AKAIN1: variants seen among roughly 807,000 people sequenced by gnomAD.
AKAIN1 encodes A-kinase anchor protein inhibitor 1.
Under a neutral mutation model 3.7 loss-of-function variants are expected in AKAIN1, and 3 were observed. That is an observed-to-expected ratio of 0.82 (90% CI 0.37 to 2.12). AKAIN1 has a LOEUF of 2.12. Ranked by LOEUF, AKAIN1 falls within the 30% of genes most tolerant of loss-of-function variation. AKAIN1 has a pLI of 0.06. For synonymous variants in AKAIN1, 31 were observed against 30.8 expected (o/e 1.01, Z -0.02); for missense variants, 82 against 82.7 (o/e 0.99, Z 0.03).
At chr18:5,173,368 T>G (rs1403319210) in intron 1 of AKAIN1, among the ~76,000 whole-genome samples, 2 of 152,158 alleles carry the variant, frequency 1.3e-5, no homozygotes, top group African/African-American at 4.8e-5. Context: ...ATTTTCCCCA[T>G]GTCCAAAAAG....
At position 5,145,622 on chromosome 18, in the gene AKAIN1, G is replaced by T; in HGVS notation, c.150C>A (p.Asp50Glu). Residue 50 changes from aspartate to glutamate, a missense_variant, in exon 2 of 2, where the codon GAC (aspartate) becomes GAA (glutamate). Coordinates refer to ENST00000434239, the MANE Select transcript of AKAIN1 (RefSeq NM_001145194.2). Reference protein sequence around the residue: ...ESQRREERISDNRDHIQLGVG... With the variant: ...ESQRREERISENRDHIQLGVG... Reference sequence around the variant, plus strand: ...CGCCCAGTTGGATGTGGTCCCGGTTGTCACTGATTCTCTCTTCTCTGCGCT... The same window carrying T: ...CGCCCAGTTGGATGTGGTCCCGGTTTTCACTGATTCTCTCTTCTCTGCGCT... 6.4e-7 allele frequency: 1 copy of T among 1,551,674 alleles called. No individual in the cohort carries two copies. Among genetic ancestry groups the T allele is most frequent in the Non-Finnish European group, 8.7e-7 (1 of 1,146,954 alleles).
chr18:5,179,850 G>T (rs750637969), intron 1 of AKAIN1, among the ~76,000 whole-genome samples: 5 of 152,056 alleles, frequency 3.3e-5, no homozygotes, highest in Non-Finnish European at 7.4e-5. Context: ...GGCACTGAAG[G>T]CCATTTCTTT....
intron 1 of AKAIN1, among the ~76,000 whole-genome samples, chr18:5,171,199 G>T (rs930692936): frequency 1.3e-5 from 2 of 152,150 alleles, no homozygotes; most frequent in African/African-American, 4.8e-5. Context: ...GACAAAGAAA[G>T]TCCACAGGCT....
At chr18:5,188,091 A>G (rs1024059135) in intron 1 of AKAIN1, among the ~76,000 whole-genome samples, 10 of 152,104 alleles carry the variant, frequency 6.6e-5, no homozygotes, top group Non-Finnish European at 1.3e-4. Flanking sequence ...GTTAAAGCCA[A>G]AGAATAATAT....
At chr18:5,156,798 A>G (rs533274318) in intron 1 of AKAIN1, among the ~76,000 whole-genome samples, 61 of 152,302 alleles carry the variant, frequency 4.0e-4, no homozygotes, top group African/African-American at 1.4e-3. Flanking sequence ...TTGCTCTCAC[A>G]CCAGGCTGGA....
intron 1 of AKAIN1, among the ~76,000 whole-genome samples, chr18:5,190,298 C>T (rs1334770588): frequency 6.6e-6 from 1 of 151,918 alleles, no homozygotes; most frequent in African/African-American, 2.4e-5. Context: ...TTTGCAGGGG[C>T]TATTACTATA....
chr18:5,166,184 T>C (rs1199754447), intron 1 of AKAIN1, among the ~76,000 whole-genome samples: 1 of 152,084 alleles, frequency 6.6e-6, no homozygotes, highest in Non-Finnish European at 1.5e-5. Flanking sequence ...AATACCATAT[T>C]ATCATCTACG....
At position 5,176,621 on chromosome 18, in the gene AKAIN1, G is replaced by C. The variant is rs191072375; in HGVS notation, c.16+20417C>G. On this transcript the variant is annotated intron_variant, in intron 1 of 1. Coordinates refer to ENST00000434239, the MANE Select transcript of AKAIN1 (RefSeq NM_001145194.2). ...AATGTTTGGTGCCTCCCAATGTTTG[G>C]TGTTTTTCTGTCAGGACAATGTGAG... Among the ~76,000 whole-genome samples, 386 of 152,190 alleles carry C rather than the reference G, an allele frequency of 2.5e-3. 3 individuals are homozygous for C. The highest frequency in any genetic ancestry group is 8.9e-3 in the African/African-American group (368 of 41,514).
intron 1 of AKAIN1, among the ~76,000 whole-genome samples, chr18:5,177,418 A>G (rs1393971959): frequency 2.6e-5 from 4 of 152,118 alleles, no homozygotes; most frequent in Non-Finnish European, 5.9e-5. Context: ...ATGTTTTCCT[A>G]TGCCATGATT....
chr18:5,170,456 T>C (rs115481547), intron 1 of AKAIN1, among the ~76,000 whole-genome samples: 1,750 of 152,254 alleles, frequency 0.011, 31 homozygotes, highest in African/African-American at 0.037. Flanking sequence ...CCAATTTCCT[T>C]ATGTTTAAAT....
At chr18:5,186,917 T>A (rs1598316284) in intron 1 of AKAIN1, among the ~76,000 whole-genome samples, 1 of 152,110 alleles carries the variant, frequency 6.6e-6, no homozygotes, top group South Asian at 2.1e-4. Flanking sequence ...AATTGGAGGC[T>A]AAACAATACA....
At chr18:5,181,601 A>G (rs2143371174) in intron 1 of AKAIN1, among the ~76,000 whole-genome samples, 1 of 152,226 alleles carries the variant, frequency 6.6e-6, no homozygotes, top group East Asian at 1.9e-4. Flanking sequence ...CTAAACCTCT[A>G]AGGATGCTGA....
intron 1 of AKAIN1, among the ~76,000 whole-genome samples, chr18:5,170,007 G>A (rs2071188762): frequency 6.6e-6 from 1 of 152,116 alleles, no homozygotes; most frequent in Non-Finnish European, 1.5e-5. Flanking sequence ...ATACTTGTCA[G>A]TAAGACTGGC....
intron 1 of AKAIN1, among the ~76,000 whole-genome samples, chr18:5,184,913 C>G (rs2071278419): frequency 6.6e-6 from 1 of 152,212 alleles, no homozygotes; most frequent in Admixed American, 6.5e-5. Context: ...AAGAACAAAG[C>G]AGGAGGCATC....
intron 1 of AKAIN1, among the ~76,000 whole-genome samples, chr18:5,178,339 A>G (rs552452472): frequency 6.6e-6 from 1 of 152,220 alleles, no homozygotes; most frequent in Admixed American, 6.5e-5. Flanking sequence ...CTGGAGCCCA[A>G]TACCAGCTTG....
At chr18:5,180,901 C>T (rs929094464) in intron 1 of AKAIN1, among the ~76,000 whole-genome samples, 1 of 152,062 alleles carries the variant, frequency 6.6e-6, no homozygotes, top group African/African-American at 2.4e-5. Context: ...AAATGTCAAA[C>T]AGACTCATTA....
rs2071033438 is a variant in AKAIN1, at chr18:5,143,695, A to T, written c.*1867T>A. 6.6e-6 allele frequency among the ~76,000 whole-genome samples: 1 copy of T among 152,232 alleles called. No homozygotes were observed. The highest frequency in any genetic ancestry group is 1.5e-5 in the Non-Finnish European group (1 of 68,032). On this transcript the variant is annotated 3_prime_UTR_variant, in exon 2 of 2. Coordinates refer to ENST00000434239, the MANE Select transcript of AKAIN1 (RefSeq NM_001145194.2). ...TTTGCTTAAGATATTTCAAAGCTGT[A>T]TGTGTTTTATTTATAAATAACATTT...
intron 1 of AKAIN1, among the ~76,000 whole-genome samples, chr18:5,151,192 C>A (rs909679028): frequency 1.3e-5 from 2 of 152,178 alleles, no homozygotes; most frequent in Non-Finnish European, 2.9e-5. Context: ...TATTTTATCT[C>A]CCCTTCTGAT....
intron 1 of AKAIN1, among the ~76,000 whole-genome samples, chr18:5,158,644 T>C (rs2071121616): frequency 6.6e-6 from 1 of 152,238 alleles, no homozygotes; most frequent in Non-Finnish European, 1.5e-5. Flanking sequence ...TCCAGTGATG[T>C]TCCCAGATAA....
Sources: allele counts gnomAD v4.1 joint callset (sites outside exome capture counted in the v4.1 genomes callset), GRCh38; gene constraint gnomAD v4.1.1; transcripts MANE v1.5; gene names NCBI Gene and HGNC (gene_info 2026-07-23, HGNC 2026-07-21).